AOPEP: variants seen among roughly 807,000 people sequenced by gnomAD.
The protein encoded by AOPEP is aminopeptidase O.
In AOPEP, 77 loss-of-function variants were observed where a neutral mutation model predicts 98.1. The observed-to-expected ratio is 0.78, with a 90% CI of 0.65 to 0.95. AOPEP has a LOEUF of 0.95. AOPEP is among the 40% of genes least tolerant of loss of function. The pLI is 0.00. For missense variants in AOPEP, 1,024 were observed against 1,024.7 expected, an observed-to-expected ratio of 1.00 and a Z score of 0.01; for synonymous variants, 346 against 365.3, an observed-to-expected ratio of 0.95 and a Z score of 0.60.
At position 94,836,082 on chromosome 9, in the gene AOPEP, T is replaced by TTGTG. The variant is rs10606112; in HGVS notation, c.1364+35100_1364+35103dup. Among the ~76,000 whole-genome samples, 791 of 150,652 alleles carry TTGTG rather than the reference T, an allele frequency of 5.3e-3. 11 individuals are homozygous for TTGTG. Among genetic ancestry groups the TTGTG allele is most frequent in the South Asian group, 0.044 (207 of 4,742 alleles). Reference sequence around the variant, plus strand: ...AATTTGGTTGATTTTTGTTTCCTGCTTGTGTGTGTGTGTGTGTGTGTGTAT... The same window carrying TTGTG: ...AATTTGGTTGATTTTTGTTTCCTGCTTGTGTGTGTGTGTGTGTGTGTGTGTGTAT... On this transcript the variant is annotated intron_variant, in intron 5 of 16. Transcript: ENST00000375315.
At chr9:94,763,191 C>CTTT (rs1420743700) in intron 2 of AOPEP, 2 of 404,466 alleles carry the variant, frequency 4.9e-6, no homozygotes, top group Admixed American at 3.1e-5. Context: ...AAGAGAATGA[C>CTTT]TTTTTTTGAA....
At chr9:94,835,447 G>T (rs964449961) in intron 5 of AOPEP, among the ~76,000 whole-genome samples, 1 of 152,168 alleles carries the variant, frequency 6.6e-6, no homozygotes, top group Non-Finnish European at 1.5e-5. Context: ...AGAATCTAGT[G>T]ATGGATGGAA....
intron 12 of AOPEP, 129 bp downstream of exon 12, chr9:95,005,349 G>T: frequency 1.4e-6 from 1 of 730,850 alleles, no homozygotes. Flanking sequence ...GCTCGGGCGC[G>T]GGGAGCGGCC....
chr9:95,042,189 G>A (rs1269686626), intron 13 of AOPEP, among the ~76,000 whole-genome samples: 1 of 152,132 alleles, frequency 6.6e-6, no homozygotes, highest in Non-Finnish European at 1.5e-5. Context: ...GCAGACACCT[G>A]TAGTCCCAGC....
chr9:95,092,389 C>T, the AOPEP span, among the ~76,000 whole-genome samples: 6 of 148,976 alleles, frequency 4.0e-5, no homozygotes, highest in African/African-American at 1.0e-4. Context: ...GGCCTGGGGG[C>T]GGGCCTGGGG....
chr9:95,118,887 A>G, the AOPEP span, among the ~76,000 whole-genome samples: 2 of 152,150 alleles, frequency 1.3e-5, no homozygotes, highest in African/African-American at 2.4e-5. Context: ...ATGCATACAT[A>G]TGTCTTTTCA....
At chr9:94,732,349 A>C (rs1210169215) in intron 1 of AOPEP, among the ~76,000 whole-genome samples, 2 of 152,096 alleles carry the variant, frequency 1.3e-5, no homozygotes, top group Non-Finnish European at 2.9e-5. Context: ...TAAAAACACA[A>C]CTGTCTTATC....
At chr9:94,837,112 C>A (rs1178849859) in intron 5 of AOPEP, among the ~76,000 whole-genome samples, 2 of 152,076 alleles carry the variant, frequency 1.3e-5, no homozygotes, top group Non-Finnish European at 2.9e-5. Context: ...AAAGATCATT[C>A]AAGGCTACTG....
At chr9:94,936,512 G>GA (rs1250677366) in intron 7 of AOPEP, among the ~76,000 whole-genome samples, 6 of 152,176 alleles carry the variant, frequency 3.9e-5, no homozygotes, top group Non-Finnish European at 8.8e-5. Flanking sequence ...TCACTGAGCA[G>GA]AAAAAACAAA....
At chr9:94,918,029 T>G (rs2053084018) in intron 5 of AOPEP, among the ~76,000 whole-genome samples, 3 of 152,146 alleles carry the variant, frequency 2.0e-5, no homozygotes, top group Non-Finnish European at 4.4e-5. Flanking sequence ...CTCCTGTAGC[T>G]CTTTGAGTTT....
At chr9:94,873,404 A>G (rs555336773) in intron 5 of AOPEP, among the ~76,000 whole-genome samples, 1 of 152,340 alleles carries the variant, frequency 6.6e-6, no homozygotes, top group South Asian at 2.1e-4. Flanking sequence ...TTTGGAATTA[A>G]CAAATATGTG....
intron 1 of AOPEP, among the ~76,000 whole-genome samples, chr9:94,729,558 G>A (rs1830029755): frequency 6.8e-6 from 1 of 147,488 alleles, no homozygotes; most frequent in South Asian, 2.2e-4. Flanking sequence ...GGGAGACACA[G>A]TGATGAGACA....
At chr9:95,044,536 A>T (rs1197099112) in intron 13 of AOPEP, among the ~76,000 whole-genome samples, 5 of 152,204 alleles carry the variant, frequency 3.3e-5, no homozygotes, top group African/African-American at 9.6e-5. Context: ...AGTAAAACCC[A>T]TGAAGCAAAT....
chr9:95,008,229 A>G (rs2062187349), intron 13 of AOPEP, among the ~76,000 whole-genome samples: 5 of 152,112 alleles, frequency 3.3e-5, no homozygotes, highest in Admixed American at 2.6e-4. Context: ...GGGTCTGTCT[A>G]CACCTGCAGG....
chr9:95,083,723 C>T (rs2070207305), intron 16 of AOPEP, among the ~76,000 whole-genome samples: 1 of 152,038 alleles, frequency 6.6e-6, no homozygotes, highest in African/African-American at 2.4e-5. Flanking sequence ...ATGTGGCACA[C>T]ACAGTGCACG....
intron 1 of AOPEP, among the ~76,000 whole-genome samples, chr9:94,733,185 C>T (rs7848139): frequency 0.42 from 62,965 of 148,512 alleles, 13,627 homozygotes; most frequent in East Asian, 0.52. Flanking sequence ...CAACTCATTG[C>T]AAGCTTAATC....
the AOPEP span, among the ~76,000 whole-genome samples, chr9:95,096,481 C>T: frequency 4.6e-5 from 7 of 152,160 alleles, no homozygotes; most frequent in African/African-American, 1.7e-4. Context: ...ATGTGGTAAG[C>T]AGAGAGGGTC....
At chr9:94,990,847 C>T (rs548567641) in intron 11 of AOPEP, among the ~76,000 whole-genome samples, 4 of 152,096 alleles carry the variant, frequency 2.6e-5, no homozygotes, top group East Asian at 1.9e-4. Flanking sequence ...AGGCTGGTCT[C>T]GAACTCCTGA....
At chr9:95,015,146 T>G (rs1469807675) in intron 13 of AOPEP, among the ~76,000 whole-genome samples, 1 of 152,208 alleles carries the variant, frequency 6.6e-6, no homozygotes, top group Non-Finnish European at 1.5e-5. Context: ...AAGCAACACT[T>G]TACACATGTA....
Sources: allele counts gnomAD v4.1 joint callset (sites outside exome capture counted in the v4.1 genomes callset), GRCh38; gene constraint gnomAD v4.1.1; transcripts MANE v1.5; gene names NCBI Gene and HGNC (gene_info 2026-07-23, HGNC 2026-07-21).